SEC31A: variants seen among roughly 807,000 people sequenced by gnomAD.
SEC31A encodes the protein SEC31 homolog A, COPII component.
In SEC31A, 70 loss-of-function variants were observed where a neutral mutation model predicts 151.0. That is an observed-to-expected ratio of 0.46 (90% CI 0.38 to 0.57). The LOEUF is 0.57. Ranked by LOEUF, SEC31A falls within the 20% of genes least tolerant of loss-of-function variation. The pLI, the probability that SEC31A is intolerant of heterozygous loss-of-function variation, is 0.00. For missense variants in SEC31A, 1,330 were observed against 1,471.2 expected (o/e 0.90, Z 1.57); for synonymous variants, 475 against 505.9 (o/e 0.94, Z 0.82).
rs1190457232 is a variant in SEC31A, at chr4:82,854,943, T to C, written c.1968A>G (p.Val656=). ...ATTCATCCGGCTTTGCATAAGTCAA[T>C]ACTGCAGCTAAAGCCTCTCTCCAAT... ...LKNWREALAA[V]LTYAKPDEFS... is the part of the protein sequence containing the mutation. The change falls in exon 17 of 27, where the codon GTA becomes GTG. Residue 656 remains valine, a synonymous_variant. Coordinates refer to ENST00000395310, the MANE Select transcript of SEC31A (RefSeq NM_001077207.4). 6.2e-7 allele frequency: 1 copy of C among 1,613,904 alleles called. No homozygotes were observed. The highest frequency in any genetic ancestry group is 8.5e-7 in the Non-Finnish European group (1 of 1,179,938).
intron 20 of SEC31A, among the ~76,000 whole-genome samples, chr4:82,846,535 C>T (rs2149296816): frequency 6.6e-6 from 1 of 152,034 alleles, no homozygotes; most frequent in Admixed American, 6.6e-5. Context: ...CCTTTTCTCC[C>T]TCTGCCATCC....
At chr4:82,891,036 C>T (rs1227206623) in intron 1 of SEC31A, 52 bp downstream of exon 1, 5 of 1,535,052 alleles carry the variant, frequency 3.3e-6, no homozygotes, top group African/African-American at 1.4e-5. Context: ...CTGGGCTCTA[C>T]CTCAAAGCTT....
rs1275574617 is a variant in SEC31A at position 82,866,822 on chromosome 4, C to T, written c.1183G>A (p.Gly395Ser). 4.4e-6 allele frequency: 7 copies of T among 1,603,262 alleles called. No homozygotes were observed. In the South Asian group the frequency reaches 7.9e-5, roughly 18 times the overall value. Residue 395 changes from glycine (G) to serine (S), a missense_variant, in exon 10 of 27, where the codon GGT becomes AGT. Gly to Ser is a moderately conservative substitution (Grantham distance 56). Transcript: ENST00000395310. ...KPPKWIRRPV[G>S]ASFSFGGKLV... The stretch of plus-strand genomic sequence containing the variant: ...AATCCACCTACTGAAAAAGAAGCAC[C>T]AACAGGCCTTCGAATCCACTTGGGC...
chr4:82,854,532 C>T (rs943946333), intron 17 of SEC31A, among the ~76,000 whole-genome samples: 1 of 151,634 alleles, frequency 6.6e-6, no homozygotes, highest in African/African-American at 2.4e-5. Context: ...AATTTCTATT[C>T]TAATGTTATT....
chr4:82,850,918 A>C (rs1231382109), intron 19 of SEC31A, among the ~76,000 whole-genome samples: 2 of 152,212 alleles, frequency 1.3e-5, no homozygotes, highest in Non-Finnish European at 2.9e-5. Context: ...GCAATAAGTA[A>C]GGACAATCTA....
chr4:82,818,661 T>C lies in SEC31A; in HGVS notation c.*413A>G, dbSNP rs1328877545. The C allele has an allele frequency of 6.5e-6, 1 of 153,466 alleles. No individual in the cohort carries two copies. The highest frequency in any genetic ancestry group is 1.4e-5 in the Non-Finnish European group (1 of 68,968). 9.5% of individuals were successfully genotyped at this position (153,466 alleles called of 1,614,324 possible). A position where few individuals can be genotyped will look rare whatever the true frequency, so the allele number is the denominator to read the frequency against. On this transcript the variant is annotated 3_prime_UTR_variant, in exon 27 of 27. Transcript: ENST00000395310. Reference sequence around the variant, plus strand: ...CAAAAAAGACTATACACACATAAAATAGGATTACACACTTTAATCTGATTG... The same window carrying C: ...CAAAAAAGACTATACACACATAAAACAGGATTACACACTTTAATCTGATTG...
At chr4:82,830,917 A>G (rs1387200699) in intron 22 of SEC31A, 2 of 1,158,408 alleles carry the variant, frequency 1.7e-6, no homozygotes, top group Non-Finnish European at 2.2e-6. Context: ...TTCCAAAGGT[A>G]TATTTTACAA....
intron 13 of SEC31A, 184 bp from the exon 14 acceptor site, chr4:82,861,892 A>G (rs1734199720): frequency 2.8e-6 from 1 of 355,766 alleles, no homozygotes; most frequent in Non-Finnish European, 5.1e-6. Flanking sequence ...ATTACTGCTA[A>G]CACTTTCCCA....
intron 20 of SEC31A, among the ~76,000 whole-genome samples, chr4:82,847,260 G>C (rs1304252891): frequency 1.3e-5 from 2 of 152,142 alleles, no homozygotes; most frequent in African/African-American, 4.8e-5. Context: ...AAGTCCTCCT[G>C]ATCTGGCCTC....
At chr4:82,865,027 A>T (rs1735005181) in intron 10 of SEC31A, among the ~76,000 whole-genome samples, 1 of 152,112 alleles carries the variant, frequency 6.6e-6, no homozygotes, top group Admixed American at 6.6e-5. Context: ...ACCCAGATAG[A>T]GAAGACCAGA....
Position 82,842,455 on chromosome 4 carries a change from A to G in SEC31A, c.2653T>C (p.Phe885Leu), listed in dbSNP as rs144652046. Residue 885 changes from phenylalanine to leucine, a missense_variant, in exon 22 of 27, where the codon TTC becomes CTC. Physicochemically the swap from Phe to Leu is conservative, Grantham distance 22. Transcript: ENST00000395310. ...TACATTGCTGACCCCCCTGTTCCGA[A>G]GGGATACGGCTGGGCTGGTTGATAA... The part of the protein sequence containing the change: ...QPYQPAQPYP[F>L]GTGGSAMYRP... The G allele has an allele frequency of 6.2e-7, 1 of 1,613,172 alleles. No individual in the cohort carries two copies. Among genetic ancestry groups the G allele is most frequent in the South Asian group, 1.1e-5 (1 of 90,792 alleles).
In SEC31A at chr4:82,828,900, C is replaced by G. The variant is rs551516140; in HGVS notation, c.3027+100G>C. 17 of 858,190 alleles carry G rather than the reference C, an allele frequency of 2.0e-5. No individual in the cohort carries two copies. The African/African-American group carries it at 2.8e-4, about 14-fold the overall frequency. 53.2% of individuals were successfully genotyped at this position (858,190 alleles called of 1,614,324 possible). A position where few individuals can be genotyped will look rare whatever the true frequency, so the allele number is the denominator to read the frequency against. On this transcript the variant is annotated intron_variant, in intron 23 of 26. Coordinates refer to ENST00000395310, the MANE Select transcript of SEC31A (RefSeq NM_001077207.4). Reference sequence around the variant, plus strand: ...CACTTTAAATACATCACTCAGTAAGCTTCGCCTTTAAAAGGATCAGTGAAG... The same window carrying G: ...CACTTTAAATACATCACTCAGTAAGGTTCGCCTTTAAAAGGATCAGTGAAG...
intron 8 of SEC31A, among the ~76,000 whole-genome samples, chr4:82,868,771 T>C (rs539709601): frequency 2.5e-4 from 38 of 151,210 alleles, no homozygotes; most frequent in African/African-American, 7.8e-4. Flanking sequence ...TCACAGCTCA[T>C]TGGAGTCTTG....
chr4:82,893,297 G>A (rs1008847455), upstream of SEC31A: 7 of 152,194 alleles, frequency 4.6e-5, no homozygotes, highest in Admixed American at 3.9e-4. Flanking sequence ...TGGAACTCCT[G>A]GCCTCCAGGG....
chr4:82,842,485 C>T lies in SEC31A; in HGVS notation c.2627-4G>A, dbSNP rs1257089097. On this transcript the variant is annotated splice_region_variant and splice_polypyrimidine_tract_variant and intron_variant, in intron 21 of 26. Coordinates refer to ENST00000395310, the MANE Select transcript of SEC31A (RefSeq NM_001077207.4). ...TACGGCTGGGCTGGTTGATAAGCTA[C>T]ACCAAGGAGAAGAAACAGAAATTTC... 1.9e-6 allele frequency: 3 copies of T among 1,593,614 alleles called. No individual in the cohort carries two copies. Among genetic ancestry groups the T allele is most frequent in the Non-Finnish European group, 2.6e-6 (3 of 1,169,104 alleles).
At chr4:82,841,652 A>G (rs1334609292) in intron 22 of SEC31A, among the ~76,000 whole-genome samples, 3 of 149,694 alleles carry the variant, frequency 2.0e-5, no homozygotes, top group Non-Finnish European at 4.5e-5. Context: ...AAAAAAACAA[A>G]AAAACCCCAA....
intron 7 of SEC31A, 156 bp downstream of exon 7, chr4:82,871,788 A>C (rs1264033931): frequency 2.3e-6 from 2 of 861,074 alleles, no homozygotes; most frequent in South Asian, 1.9e-5. Context: ...GCAGTGAGCC[A>C]AGATCTTGCC....
intron 23 of SEC31A, 75 bp downstream of exon 23, chr4:82,828,925 G>C (rs775643257): frequency 1.8e-6 from 2 of 1,129,216 alleles, no homozygotes; most frequent in Non-Finnish European, 2.7e-6. Flanking sequence ...GATCAGTGAA[G>C]TATAGTGTGT....
chr4:82,831,048 G>T, intron 22 of SEC31A: 2 of 502,908 alleles, frequency 4.0e-6, no homozygotes, highest in Non-Finnish European at 5.6e-6. Context: ...TTTTATAATT[G>T]TTTCTTCTCC....
Sources: gnomAD v4.1 joint callset for allele counts (sites outside exome capture counted in the v4.1 genomes callset) on GRCh38, gnomAD v4.1.1 for gene constraint, MANE v1.5 for transcripts, NCBI Gene and HGNC (gene_info 2026-07-23, HGNC 2026-07-21) for gene names.